The following BIRC6 variants were observed in gnomAD, a reference collection of about 807,000 sequenced individuals.
The protein encoded by BIRC6 is dual E2 ubiquitin-conjugating enzyme/E3 ubiquitin-protein ligase BIRC6.
In BIRC6, 98 loss-of-function variants were observed where a neutral mutation model predicts 503.3. That is an observed-to-expected ratio of 0.19 (90% CI 0.17 to 0.23). BIRC6 has a LOEUF of 0.23. Ranked by LOEUF, BIRC6 falls within the 10% of genes least tolerant of loss-of-function variation. The pLI, the probability that BIRC6 is intolerant of heterozygous loss-of-function variation, is 1.00. For synonymous variants in BIRC6, 2,240 were observed against 2,078.7 expected, an observed-to-expected ratio of 1.08 and a Z score of -2.11; for missense variants, 5,360 against 5,806.0, an observed-to-expected ratio of 0.92 and a Z score of 2.50.
intron 62 of BIRC6, among the ~76,000 whole-genome samples, 171 bp from the exon 63 acceptor site, chr2:32,545,472 C>T (rs113396534): frequency 1.5e-3 from 229 of 151,974 alleles, no homozygotes; most frequent in Non-Finnish European, 2.8e-3. Context: ...GATACTTATT[C>T]GTTATTAAAT....
chr2:32,586,160 T>C (rs984786460), intron 66 of BIRC6, among the ~76,000 whole-genome samples: 2 of 152,068 alleles, frequency 1.3e-5, no homozygotes, highest in African/African-American at 4.8e-5. Context: ...GGATTCACGC[T>C]TGTATAATGG....
intron 26 of BIRC6, among the ~76,000 whole-genome samples, 167 bp downstream of exon 26, chr2:32,465,331 AGCTTTGTGCTCACCAAATT>A (rs1558804066): frequency 6.6e-6 from 1 of 150,412 alleles, no homozygotes; most frequent in East Asian, 1.9e-4. Context: ...TACATGTTCA[AGCTTTGTGCTCACCAAATT>A]GCATAAAGAG....
At chr2:32,467,475 T>G in intron 26 of BIRC6, 50 bp from the exon 27 acceptor site, 2 of 1,389,196 alleles carry the variant, frequency 1.4e-6, no homozygotes, top group African/African-American at 1.4e-5. Flanking sequence ...GAGTGTATCA[T>G]TTGGTTAATT....
chr2:32,472,060 TAAATA>T (rs2049168310), intron 32 of BIRC6, among the ~76,000 whole-genome samples: 1 of 152,214 alleles, frequency 6.6e-6, no homozygotes, highest in Non-Finnish European at 1.5e-5. Flanking sequence ...ACAATTAACA[TAAATA>T]AAACTACATT....
rs765136463 is a variant in BIRC6 at position 32,529,830 on chromosome 2, T to C, written c.12094+6T>C. On this transcript the variant is annotated splice_donor_region_variant and intron_variant, in intron 60 of 73. Transcript: ENST00000421745. Reference sequence around the variant, plus strand: ...AAGACTACACCCTGAAAAAGGTATGTGCATAATACTACTTTAAAAATTACA... The same window carrying C: ...AAGACTACACCCTGAAAAAGGTATGCGCATAATACTACTTTAAAAATTACA... 7 of 1,563,340 alleles carry C rather than the reference T, an allele frequency of 4.5e-6. No individual in the cohort carries two copies. The highest frequency in any genetic ancestry group is 2.4e-5 in the South Asian group (2 of 83,314).
intron 66 of BIRC6, among the ~76,000 whole-genome samples, chr2:32,584,401 ACAGTGGGTGTAATCC>A (rs1197381894): frequency 2.6e-5 from 4 of 152,046 alleles, no homozygotes; most frequent in Admixed American, 6.6e-5. Flanking sequence ...GTGGTGGCGC[ACAGTGGGTGTAATCC>A]CAGCTGCTTG....
chr2:32,465,186 T>A (rs926613934), intron 26 of BIRC6, 22 bp downstream of exon 26: 12 of 264,256 alleles, frequency 4.5e-5, no homozygotes, highest in East Asian at 1.3e-4. Flanking sequence ...CTTTCTTAAA[T>A]TTTTTTTTTT....
intron 34 of BIRC6, 111 bp downstream of exon 34, chr2:32,476,455 A>T: frequency 8.4e-7 from 1 of 1,193,192 alleles, no homozygotes; most frequent in Non-Finnish European, 1.1e-6. Context: ...AGAGAAGCCA[A>T]CCTACTCTGG....
chr2:32,436,990 GC>G (rs1270945245), intron 15 of BIRC6, among the ~76,000 whole-genome samples: 3 of 146,724 alleles, frequency 2.0e-5, no homozygotes, highest in Admixed American at 7.0e-5. Context: ...CCAGGCTCAA[GC>G]AGTTCTCGTG....
chr2:32,545,933 T>C (rs2058025607), intron 63 of BIRC6, 73 bp downstream of exon 63: 1 of 1,362,580 alleles, frequency 7.3e-7, no homozygotes, highest in Admixed American at 2.1e-5. Flanking sequence ...TAAAGTTTTT[T>C]TCTGAATTAA....
intron 45 of BIRC6, among the ~76,000 whole-genome samples, chr2:32,496,673 C>G (rs1479588819): frequency 6.6e-6 from 1 of 151,998 alleles, no homozygotes; most frequent in Non-Finnish European, 1.5e-5. Flanking sequence ...GTTATTTTGG[C>G]TGTTTTAATT....
intron 10 of BIRC6, among the ~76,000 whole-genome samples, chr2:32,424,577 C>A (rs1051334209): frequency 6.6e-6 from 1 of 151,370 alleles, no homozygotes; most frequent in Non-Finnish European, 1.5e-5. Flanking sequence ...TGCACTGACG[C>A]GATCTCGGCT....
chr2:32,512,889 T>C (rs556044575), intron 53 of BIRC6, 44 bp from the exon 54 acceptor site: 6 of 1,499,314 alleles, frequency 4.0e-6, no homozygotes, highest in Non-Finnish European at 4.6e-6. Context: ...AAATGCCAAT[T>C]GCACTATATA....
Position 32,357,321 on chromosome 2 carries a change from G to C in BIRC6, c.160G>C (p.Glu54Gln), listed in dbSNP as rs1299473626. ...GGGGGCGGGGGCGGCCGGGGTCTCA[G>C]AGTGGCTGGTGCTGCGGGACGGCTG... ...AAGAGAAGVS[E>Q]WLVLRDGCMH... Residue 54 changes from glutamate to glutamine, a missense_variant, in exon 1 of 74, where the codon GAG (glutamate) becomes CAG (glutamine). Physicochemically the swap from Glu to Gln is conservative, Grantham distance 29. This residue lies in a region of BIRC6 where 145 missense variants were observed against 106.9 expected (regional missense o/e 1.36). Transcript: ENST00000421745. This position sits in a 1 kb window ranked among gnomAD's most constrained non-coding sequence, Gnocchi z 4.9. 1.1e-5 allele frequency: 17 copies of C among 1,534,612 alleles called. No homozygotes were observed. Among genetic ancestry groups the C allele is most frequent in the Non-Finnish European group, 1.5e-5 (17 of 1,142,848 alleles).
intron 2 of BIRC6, among the ~76,000 whole-genome samples, chr2:32,378,322 T>C (rs1026019794): frequency 6.6e-6 from 1 of 152,078 alleles, no homozygotes; most frequent in Non-Finnish European, 1.5e-5. Flanking sequence ...TATAGCCTCA[T>C]ATTTACCCCA....
chr2:32,380,918 A>C (rs925743838), intron 3 of BIRC6, among the ~76,000 whole-genome samples: 1 of 152,172 alleles, frequency 6.6e-6, no homozygotes, highest in African/African-American at 2.4e-5. Context: ...GGATGCTTGG[A>C]TAAGAATGGA....
chr2:32,602,750 T>A, intron 70 of BIRC6: 1 of 389,604 alleles, frequency 2.6e-6, no homozygotes, highest in Non-Finnish European at 4.5e-6. Flanking sequence ...TTAGTTTTCA[T>A]TAAAATGTTA....
chr2:32,395,992 C>A lies in BIRC6; in HGVS notation c.1034+399C>A, dbSNP rs572236657. ...AGTAATTTTAGGGAGTCTTTGATGT[C>A]TCTGAATTTTAGTGCATGAAATTTT... On this transcript the variant is annotated intron_variant, in intron 6 of 73. Transcript: ENST00000421745. Among the ~76,000 whole-genome samples the A allele has an allele frequency of 3.6e-4, 54 of 152,104 alleles. 1 individual carries two copies. Among genetic ancestry groups the A allele is most frequent in the African/African-American group, 1.3e-3 (52 of 41,410 alleles).
In BIRC6 at chr2:32,515,629, C is replaced by A. The variant is rs141984083; in HGVS notation, c.11208C>A (p.Thr3736=). The A allele has an allele frequency of 1.9e-6, 3 of 1,613,040 alleles. No individual in the cohort carries two copies. The South Asian group carries it at 3.3e-5, about 18-fold the overall frequency. ...SGSHNLGAQQ[T]SARSASLSSA... The stretch of plus-strand genomic sequence containing the variant: ...GCCATAATTTAGGTGCACAACAGAC[C>A]AGTGCAAGATCAGCTTCTCTTTCTT... Residue 3736 remains threonine, a synonymous_variant, in exon 55 of 74, where the codon ACC becomes ACA. Transcript: ENST00000421745.
Sources: gnomAD v4.1 joint callset for allele counts (sites outside exome capture counted in the v4.1 genomes callset) on GRCh38, gnomAD v4.1.1 for gene constraint, gnomAD v4.1.1 regional missense constraint, Gnocchi (gnomAD v3.1) non-coding constraint, MANE v1.5 for transcripts, NCBI Gene and HGNC (gene_info 2026-07-23, HGNC 2026-07-21) for gene names.